The following SAXO1 variants were observed in gnomAD, a reference collection of about 807,000 sequenced individuals.
The protein encoded by SAXO1 is stabilizer of axonemal microtubules 1.
In SAXO1, 21 loss-of-function variants were observed where a neutral mutation model predicts 17.5. The ratio of observed to expected loss-of-function variants is 1.20; its 90% CI spans 0.85 to 1.72. SAXO1 has a LOEUF of 1.72. SAXO1 is among the 40% of genes most tolerant of loss of function. The pLI is 0.00. For missense variants in SAXO1, 843 were observed against 596.0 expected, an observed-to-expected ratio of 1.41 and a Z score of -4.32; for synonymous variants, 274 against 216.5, an observed-to-expected ratio of 1.27 and a Z score of -2.33.
chr9:18,930,466 A>T (rs1830991802), intron 3 of SAXO1, among the ~76,000 whole-genome samples: 1 of 151,660 alleles, frequency 6.6e-6, no homozygotes, highest in South Asian at 2.1e-4. Context: ...GGGATGACAA[A>T]CCATGTGATT....
intron 1 of SAXO1, among the ~76,000 whole-genome samples, chr9:19,039,139 G>A (rs796554441): frequency 0.013 from 1,421 of 113,294 alleles, 11 homozygotes; most frequent in African/African-American, 0.036. Context: ...TGCCTCAAAA[G>A]AAAAAAAAAA....
At chr9:19,015,273 C>A (rs1171338939) in intron 1 of SAXO1, among the ~76,000 whole-genome samples, 1 of 152,224 alleles carries the variant, frequency 6.6e-6, no homozygotes, top group East Asian at 1.9e-4. Flanking sequence ...TCCAGCAATC[C>A]TCATGCCACA....
At chr9:18,934,479 T>G (rs1015102852) in intron 3 of SAXO1, among the ~76,000 whole-genome samples, 11 of 152,236 alleles carry the variant, frequency 7.2e-5, no homozygotes, top group Non-Finnish European at 1.2e-4. Flanking sequence ...ATTTTAGTTA[T>G]TGCCCTTCCA....
chr9:19,019,179 A>C (rs1563984995), intron 1 of SAXO1, among the ~76,000 whole-genome samples: 1 of 152,166 alleles, frequency 6.6e-6, no homozygotes, highest in Admixed American at 6.5e-5. Context: ...ATCTCAGCTT[A>C]TTCTTCATAT....
chr9:19,021,556 G>T (rs1336578773), intron 1 of SAXO1, among the ~76,000 whole-genome samples: 3 of 152,102 alleles, frequency 2.0e-5, no homozygotes, highest in Non-Finnish European at 4.4e-5. Flanking sequence ...ATAGATGATG[G>T]GAATCCCACT....
chr9:19,021,821 C>T (rs564157055), intron 1 of SAXO1, among the ~76,000 whole-genome samples: 1 of 151,974 alleles, frequency 6.6e-6, no homozygotes, highest in Non-Finnish European at 1.5e-5. Flanking sequence ...TGTAAACGCA[C>T]CAATCAGCAC....
At chr9:18,967,224 C>G (rs1832755108) in intron 1 of SAXO1, among the ~76,000 whole-genome samples, 2 of 152,192 alleles carry the variant, frequency 1.3e-5, no homozygotes, top group Non-Finnish European at 2.9e-5. Context: ...GCCTGGGGGT[C>G]AGGGACCCAC....
chr9:19,038,812 C>G (rs1023623606), intron 1 of SAXO1, among the ~76,000 whole-genome samples: 1 of 151,196 alleles, frequency 6.6e-6, no homozygotes, highest in African/African-American at 2.4e-5. Flanking sequence ...TGTGAGGGAG[C>G]AGGGTGAGGC....
chr9:19,026,419 A>C (rs1021749205), intron 1 of SAXO1, among the ~76,000 whole-genome samples: 1 of 152,178 alleles, frequency 6.6e-6, no homozygotes, highest in Non-Finnish European at 1.5e-5. Flanking sequence ...CTATTTCCTT[A>C]TCTGTAAAAT....
intron 1 of SAXO1, among the ~76,000 whole-genome samples, chr9:18,976,921 C>T (rs1010877809): frequency 2.0e-5 from 3 of 152,220 alleles, no homozygotes; most frequent in African/African-American, 7.2e-5. Context: ...CACAAAACCA[C>T]AAACCAAAAC....
At chr9:19,029,402 C>G (rs1385486775) in intron 1 of SAXO1, among the ~76,000 whole-genome samples, 1 of 152,188 alleles carries the variant, frequency 6.6e-6, no homozygotes, top group Non-Finnish European at 1.5e-5. Flanking sequence ...GTCTCCCCCT[C>G]CCACTCAAGG....
intron 2 of SAXO1, among the ~76,000 whole-genome samples, chr9:18,945,261 T>A (rs977646935): frequency 1.3e-5 from 2 of 152,180 alleles, no homozygotes; most frequent in African/African-American, 4.8e-5. Context: ...AAGCATCACC[T>A]TGTTTTCCAG....
chr9:18,935,123 C>T (rs2131680496), intron 3 of SAXO1, among the ~76,000 whole-genome samples: 1 of 151,942 alleles, frequency 6.6e-6, no homozygotes, highest in East Asian at 1.9e-4. Context: ...TGTATTTTTA[C>T]AAAAAAATAC....
At chr9:19,013,629 C>T (rs1051808854) in intron 1 of SAXO1, among the ~76,000 whole-genome samples, 1 of 148,740 alleles carries the variant, frequency 6.7e-6, no homozygotes, top group African/African-American at 2.5e-5. Flanking sequence ...TCACTGCAAC[C>T]TCTGCCTCCC....
At chr9:18,955,699 G>C (rs1419390804) in intron 1 of SAXO1, among the ~76,000 whole-genome samples, 1 of 152,074 alleles carries the variant, frequency 6.6e-6, no homozygotes, top group Non-Finnish European at 1.5e-5. Context: ...ATAGCACCAA[G>C]TTTCGGTTTT....
intron 1 of SAXO1, among the ~76,000 whole-genome samples, chr9:19,016,941 C>T (rs1237281587): frequency 2.6e-5 from 4 of 151,922 alleles, no homozygotes; most frequent in Admixed American, 2.6e-4. Context: ...CTGACAACCA[C>T]CCACCTTCCT....
chr9:18,934,494 CAG>C (rs550779648), intron 3 of SAXO1, among the ~76,000 whole-genome samples: 83 of 152,302 alleles, frequency 5.4e-4, no homozygotes, highest in Admixed American at 2.3e-3. Flanking sequence ...CTTCCAACTC[CAG>C]AGTTTTCATT....
chr9:18,969,858 A>C (rs1832879466), intron 1 of SAXO1, among the ~76,000 whole-genome samples: 1 of 152,252 alleles, frequency 6.6e-6, no homozygotes, highest in African/African-American at 2.4e-5. Flanking sequence ...ATGAGGAAGC[A>C]AGGCCAATGG....
intron 1 of SAXO1, chr9:19,027,141 G>C (rs1835512009): frequency 9.2e-7 from 1 of 1,084,816 alleles, no homozygotes. Context: ...CCTGGATGTT[G>C]ATCCCAATGA....
Sources: allele counts gnomAD v4.1 joint callset (sites outside exome capture counted in the v4.1 genomes callset), GRCh38; gene constraint gnomAD v4.1.1; transcripts MANE v1.5; gene names NCBI Gene and HGNC (gene_info 2026-07-23, HGNC 2026-07-21).